The following ANKRD50 variants were observed in gnomAD, a reference collection of about 807,000 sequenced individuals.
ANKRD50 encodes the protein ankyrin repeat domain 50.
In ANKRD50, 40 loss-of-function variants were observed where a neutral mutation model predicts 112.0. That is an observed-to-expected ratio of 0.36 (90% CI 0.28 to 0.46). The LOEUF (loss-of-function observed/expected upper bound fraction) is 0.46. ANKRD50 is among the 20% of genes least tolerant of loss of function. The pLI is 1.00. For missense variants in ANKRD50, 1,487 were observed against 1,701.7 expected, an observed-to-expected ratio of 0.87 and a Z score of 2.22; for synonymous variants, 613 against 619.1, an observed-to-expected ratio of 0.99 and a Z score of 0.15.
chr4:124,705,218 A>G (rs933760020), intron 2 of ANKRD50, among the ~76,000 whole-genome samples: 3 of 152,242 alleles, frequency 2.0e-5, no homozygotes, highest in Non-Finnish European at 2.9e-5. Context: ...CAAACATTCA[A>G]TGATTCCCAT....
chr4:124,669,843 T>C lies in ANKRD50; in HGVS notation c.3434A>G (p.Asp1145Gly), dbSNP rs771712221. The C allele has an allele frequency of 1.2e-6, 2 of 1,612,750 alleles. No individual in the cohort carries two copies. The highest frequency in any genetic ancestry group is 4.5e-5 in the East Asian group (2 of 44,832). The change falls in exon 4 of 5, where the codon GAT (aspartate) becomes GGT (glycine). Residue 1145 changes from aspartate to glycine, a missense_variant. This residue lies in a region of ANKRD50 where 441 missense variants were observed against 432.2 expected (regional missense o/e 1.02). Coordinates refer to ENST00000504087, the MANE Select transcript of ANKRD50 (RefSeq NM_020337.3). Reference sequence around the variant, plus strand: ...TAAACCACGTAACGAAGGCTGCATATCCCCTCCACCAGTACTACCAGAGCT... The same window carrying C: ...TAAACCACGTAACGAAGGCTGCATACCCCCTCCACCAGTACTACCAGAGCT... The part of the protein sequence containing the change: ...SNSSGSTGGG[D>G]MQPSLRGLPN...
At chr4:124,668,867 G>A (rs945584049) in intron 4 of ANKRD50, 117 bp downstream of exon 4, 2 of 936,704 alleles carry the variant, frequency 2.1e-6, no homozygotes, top group Non-Finnish European at 3.1e-6. Flanking sequence ...GTCTGGCCCA[G>A]ATGACATCTG....
At chr4:124,683,260 ATCC>A (rs1724933496) in intron 2 of ANKRD50, among the ~76,000 whole-genome samples, 1 of 151,428 alleles carries the variant, frequency 6.6e-6, no homozygotes, top group South Asian at 2.1e-4. Flanking sequence ...GAAAAATGGC[ATCC>A]TCATTATAGT....
At chr4:124,679,453 G>A (rs1259438318) in intron 2 of ANKRD50, among the ~76,000 whole-genome samples, 3 of 152,054 alleles carry the variant, frequency 2.0e-5, no homozygotes, top group Admixed American at 2.0e-4. Context: ...GATCCCATTT[G>A]ACATATTTTC....
chr4:124,669,758 G>C lies in ANKRD50; in HGVS notation c.3519C>G (p.Asp1173Glu), dbSNP rs757051222. The C allele has an allele frequency of 5.6e-6, 9 of 1,613,278 alleles. No individual in the cohort carries two copies. The Admixed American group carries it at 1.3e-4, about 24-fold the overall frequency. Residue 1173 changes from aspartate to glutamate, a missense_variant, in exon 4 of 5, where the codon GAC becomes GAG. Around this residue, in one of 2 missense-constraint regions of ANKRD50, gnomAD observed 441 missense variants for 432.2 expected, o/e 1.02. Coordinates refer to ENST00000504087, the MANE Select transcript of ANKRD50 (RefSeq NM_020337.3). Reference protein sequence around the residue: ...SPSESPDSTVDRQKSSLSNNS... With the variant: ...SPSESPDSTVERQKSSLSNNS... The stretch of plus-strand genomic sequence containing the variant: ...TATTTGACAGTGATGACTTCTGCCG[G>C]TCAACTGTAGAATCTGGAGATTCTG...
Position 124,671,488 on chromosome 4 carries a change from A to C in ANKRD50, c.1789T>G (p.Leu597Val), listed in dbSNP as rs145773752. The change falls in exon 4 of 5, where the codon TTG becomes GTG. Residue 597 changes from leucine to valine, a missense_variant. Physicochemically the swap from Leu to Val is conservative, Grantham distance 32. Around this residue, in one of 2 missense-constraint regions of ANKRD50, gnomAD observed 1,046 missense variants for 1,269.5 expected, o/e 0.82. Coordinates refer to ENST00000504087, the MANE Select transcript of ANKRD50 (RefSeq NM_020337.3). ...RQGHTKVVNC[L>V]IGCGANINHT... The stretch of plus-strand genomic sequence containing the variant: ...TTAATATTTGCTCCACACCCAATCA[A>C]ACAATTAACCACCTTGGTATGTCCC... 1.8e-5 allele frequency: 29 copies of C among 1,613,580 alleles called. No homozygotes were observed. Among genetic ancestry groups the C allele is most frequent in the Non-Finnish European group, 2.4e-5 (28 of 1,179,826 alleles).
At chr4:124,676,039 C>T (rs115220913) in intron 3 of ANKRD50, among the ~76,000 whole-genome samples, 4,096 of 151,790 alleles carry the variant, frequency 0.027, 67 homozygotes, top group Non-Finnish European at 0.04. Flanking sequence ...TGATGATACA[C>T]GTGCAATTTT....
intron 2 of ANKRD50, among the ~76,000 whole-genome samples, chr4:124,693,323 T>C (rs1344795250): frequency 6.6e-6 from 1 of 152,312 alleles, no homozygotes; most frequent in African/African-American, 2.4e-5. Context: ...ACAGTCCTGT[T>C]TGTTTGCTAC....
chr4:124,676,284 C>A (rs1730772081), intron 3 of ANKRD50, among the ~76,000 whole-genome samples: 1 of 151,508 alleles, frequency 6.6e-6, no homozygotes, highest in South Asian at 2.1e-4. Context: ...TGGTTTATAT[C>A]ACTGACAGTT....
At chr4:124,675,835 T>C (rs761683081) in intron 3 of ANKRD50, among the ~76,000 whole-genome samples, 11 of 151,794 alleles carry the variant, frequency 7.2e-5, no homozygotes, top group Non-Finnish European at 1.5e-4. Context: ...AATACCCTAG[T>C]TGTAGTCAAA....
At chr4:124,684,773 C>G (rs1013720774) in intron 2 of ANKRD50, among the ~76,000 whole-genome samples, 1 of 152,152 alleles carries the variant, frequency 6.6e-6, no homozygotes, top group Non-Finnish European at 1.5e-5. Context: ...AAGTTATTCC[C>G]CAGTACTATT....
chr4:124,702,233 G>A (rs901734646), intron 2 of ANKRD50, among the ~76,000 whole-genome samples: 1 of 152,142 alleles, frequency 6.6e-6, no homozygotes, highest in African/African-American at 2.4e-5. Context: ...AGGCTCAGAG[G>A]AATGTCCTAA....
rs114595942 is a variant in ANKRD50, at chr4:124,687,765, C to G, written c.513-8860G>C. 2.1e-3 allele frequency among the ~76,000 whole-genome samples: 313 copies of G among 152,182 alleles called. 4 individuals are homozygous for G. The highest frequency in any genetic ancestry group is 7.3e-3 in the African/African-American group (302 of 41,528). On this transcript the variant is annotated intron_variant, in intron 2 of 4. Transcript: ENST00000504087. Reference sequence around the variant, plus strand: ...CATCAAATAAACATAAAAACGTGCTCAACATCATCAGTCATTAGAGAAGTT... The same window carrying G: ...CATCAAATAAACATAAAAACGTGCTGAACATCATCAGTCATTAGAGAAGTT...
In ANKRD50 at chr4:124,671,344, G is replaced by A; in HGVS notation, c.1933C>T (p.Arg645Ter). 1.2e-6 allele frequency: 2 copies of A among 1,613,712 alleles called. No homozygotes were observed. The highest frequency in any genetic ancestry group is 1.7e-6 in the Non-Finnish European group (2 of 1,179,842). ...CATGCTGCTGCTCTCAAAGCTGTTC[G>A]GCTATCAGCATCTGCACAATCCACT... Reference protein sequence around the residue: ...VKVDCADADSRTALRAAAWGG... With the variant: ...VKVDCADADS Residue 645 changes from arginine (R) to a stop codon, truncating the protein, a stop_gained, in exon 4 of 5, where the codon CGA becomes TGA. Coordinates refer to ENST00000504087, the MANE Select transcript of ANKRD50 (RefSeq NM_020337.3). LOFTEE classifies it high-confidence loss of function.
chr4:124,689,602 T>G (rs1725085437), intron 2 of ANKRD50, among the ~76,000 whole-genome samples: 1 of 152,176 alleles, frequency 6.6e-6, no homozygotes, highest in Non-Finnish European at 1.5e-5. Context: ...ACAGCAGTCC[T>G]TTTCTGCCTT....
At position 124,710,210 on chromosome 4, in the gene ANKRD50, C is replaced by T; in HGVS notation, c.302G>A (p.Arg101Lys). The T allele has an allele frequency of 1.2e-6, 2 of 1,614,220 alleles. No homozygotes were observed. The highest frequency in any genetic ancestry group is 1.7e-6 in the Non-Finnish European group (2 of 1,180,048). ...LWPSSPASLQ[R>K]GLHRQALAFH... ...GGCCAAAGCTTGGCGATGTAAACCT[C>T]TCTGCAAACTTGCAGGTGAACTTGG... The change falls in exon 2 of 5, where the codon AGA becomes AAA. Residue 101 changes from arginine (R) to lysine (K), a missense_variant. Arg to Lys is a conservative substitution (Grantham distance 26). This residue lies in a region of ANKRD50 where 1,046 missense variants were observed against 1,269.5 expected (regional missense o/e 0.82). Transcript: ENST00000504087.
intron 3 of ANKRD50, among the ~76,000 whole-genome samples, chr4:124,673,778 T>C (rs1016076498): frequency 7.9e-5 from 12 of 152,204 alleles, no homozygotes; most frequent in African/African-American, 2.9e-4. Flanking sequence ...TGGACAGTTA[T>C]TGAAAAATTA....
At chr4:124,688,239 AT>A (rs1336279701) in intron 2 of ANKRD50, among the ~76,000 whole-genome samples, 1 of 152,170 alleles carries the variant, frequency 6.6e-6, no homozygotes, top group Admixed American at 6.5e-5. Context: ...TCCTAAATCA[AT>A]TTTCTAAGTT....
At chr4:124,685,305 A>C (rs1724983472) in intron 2 of ANKRD50, among the ~76,000 whole-genome samples, 1 of 152,210 alleles carries the variant, frequency 6.6e-6, no homozygotes, top group African/African-American at 2.4e-5. Context: ...AATGAATGAT[A>C]CTTGATGGAA....
Sources: gnomAD v4.1 joint callset for allele counts (sites outside exome capture counted in the v4.1 genomes callset) on GRCh38, gnomAD v4.1.1 for gene constraint, gnomAD v4.1.1 regional missense constraint, MANE v1.5 for transcripts, NCBI Gene and HGNC (gene_info 2026-07-23, HGNC 2026-07-21) for gene names.